TRDN: variants seen among roughly 807,000 people sequenced by gnomAD.
TRDN encodes triadin in skeletal muscle.
Under a neutral mutation model 149.7 loss-of-function variants are expected in TRDN, and 161 were observed. The observed-to-expected ratio is 1.08, with a 90% CI of 0.95 to 1.23. The LOEUF (loss-of-function observed/expected upper bound fraction) is 1.23. Among genes scored for constraint, TRDN ranks in the 50% most tolerant of loss-of-function variants. TRDN has a pLI of 0.00. For synonymous variants in TRDN, 294 were observed against 250.5 expected, an observed-to-expected ratio of 1.17 and a Z score of -1.64; for missense variants, 896 against 823.5, an observed-to-expected ratio of 1.09 and a Z score of -1.08.
chr6:123,598,384 T>A (rs1784131585), intron 1 of TRDN, among the ~76,000 whole-genome samples: 1 of 152,088 alleles, frequency 6.6e-6, no homozygotes, highest in Non-Finnish European at 1.5e-5. Context: ...TTTAAGGCCC[T>A]GTATATAGTC....
At chr6:123,302,655 A>C (rs557962878) in intron 24 of TRDN, among the ~76,000 whole-genome samples, 1 of 152,290 alleles carries the variant, frequency 6.6e-6, no homozygotes, top group African/African-American at 2.4e-5. Flanking sequence ...GACCAAACAC[A>C]TCCATTTTGA....
At chr6:123,366,067 T>A in intron 20 of TRDN, 68 bp downstream of exon 20, 1 of 1,408,540 alleles carries the variant, frequency 7.1e-7, no homozygotes, top group Non-Finnish European at 9.9e-7. Flanking sequence ...CACAAAACAA[T>A]ACATTGTTAG....
chr6:123,497,104 A>C, intron 9 of TRDN, 89 bp downstream of exon 9: 1 of 1,036,276 alleles, frequency 9.6e-7, no homozygotes. Context: ...ATTTTTAAAA[A>C]ATGAAAATAC....
At chr6:123,365,078 A>C (rs185630024) in intron 20 of TRDN, among the ~76,000 whole-genome samples, 85 of 152,304 alleles carry the variant, frequency 5.6e-4, no homozygotes, top group African/African-American at 1.9e-3. Context: ...TGACATCACA[A>C]ATATTAGATT....
chr6:123,222,293 G>A (rs181160735), intron 39 of TRDN, among the ~76,000 whole-genome samples: 15 of 151,462 alleles, frequency 9.9e-5, no homozygotes, highest in Middle Eastern at 3.4e-3. Flanking sequence ...GTTCTAGAGC[G>A]GTTCCCCTCA....
rs370176584 is a variant in TRDN, at chr6:123,549,036, C to T, written c.233-424G>A. Reference sequence around the variant, plus strand: ...ACAAATAACAAGTTCTGCAAGTTGACTAAGGTAGTTGTGGCTAAATTAAGA... The same window carrying T: ...ACAAATAACAAGTTCTGCAAGTTGATTAAGGTAGTTGTGGCTAAATTAAGA... On this transcript the variant is annotated intron_variant, in intron 2 of 40. Coordinates refer to ENST00000334268, the MANE Select transcript of TRDN (RefSeq NM_006073.4). Among the ~76,000 whole-genome samples, 10 of 151,982 alleles carry T rather than the reference C, an allele frequency of 6.6e-5. No individual in the cohort carries two copies. In the East Asian group the frequency reaches 7.7e-4, roughly 12 times the overall value.
At chr6:123,589,056 G>T (rs1355441551) in intron 1 of TRDN, among the ~76,000 whole-genome samples, 1 of 152,086 alleles carries the variant, frequency 6.6e-6, no homozygotes, top group Admixed American at 6.5e-5. Flanking sequence ...AATTTGACAG[G>T]TTGAATCAGT....
At chr6:123,603,545 T>C (rs1274635831) in intron 1 of TRDN, among the ~76,000 whole-genome samples, 1 of 152,168 alleles carries the variant, frequency 6.6e-6, no homozygotes, top group African/African-American at 2.4e-5. Flanking sequence ...CCAACATTCA[T>C]GCATTTATTC....
intron 21 of TRDN, among the ~76,000 whole-genome samples, chr6:123,343,962 T>C (rs1257228898): frequency 2.6e-5 from 4 of 151,932 alleles, no homozygotes; most frequent in Non-Finnish European, 4.4e-5. Context: ...TTAGTGGTCT[T>C]AGAAAAATAA....
intron 14 of TRDN, among the ~76,000 whole-genome samples, chr6:123,387,269 C>T (rs972340974): frequency 1.3e-5 from 2 of 151,910 alleles, no homozygotes; most frequent in Non-Finnish European, 2.9e-5. Context: ...TCTATTGATG[C>T]TTATCATTTT....
intron 24 of TRDN, among the ~76,000 whole-genome samples, chr6:123,303,743 T>G (rs112947926): frequency 1.3e-5 from 2 of 152,120 alleles, no homozygotes; most frequent in Non-Finnish European, 2.9e-5. Flanking sequence ...GAAATAAATA[T>G]GTTGAGGGCA....
intron 1 of TRDN, among the ~76,000 whole-genome samples, chr6:123,585,751 A>G (rs1289617208): frequency 6.6e-6 from 1 of 152,018 alleles, no homozygotes; most frequent in Non-Finnish European, 1.5e-5. Context: ...TGGCACTTGT[A>G]GCAAGCTCCT....
At chr6:123,406,834 G>A (rs1216800051) in intron 12 of TRDN, among the ~76,000 whole-genome samples, 4 of 152,126 alleles carry the variant, frequency 2.6e-5, no homozygotes, top group Admixed American at 1.3e-4. Flanking sequence ...GGGTTTCAAG[G>A]TTTACTGATT....
intron 13 of TRDN, among the ~76,000 whole-genome samples, chr6:123,393,198 C>T (rs1772574163): frequency 6.6e-6 from 1 of 152,014 alleles, no homozygotes; most frequent in Non-Finnish European, 1.5e-5. Context: ...CCCATTTTTA[C>T]AGTTTTGATG....
intron 38 of TRDN, among the ~76,000 whole-genome samples, chr6:123,235,846 A>T (rs905161135): frequency 1.1e-4 from 17 of 152,160 alleles, no homozygotes; most frequent in African/African-American, 4.1e-4. Context: ...AACGTATTTG[A>T]ATTCATATAA....
chr6:123,582,379 G>A (rs962225289), intron 1 of TRDN, among the ~76,000 whole-genome samples: 3 of 152,132 alleles, frequency 2.0e-5, no homozygotes, highest in African/African-American at 7.2e-5. Context: ...GGCTTTGTGT[G>A]AGCAATAAAG....
intron 21 of TRDN, among the ~76,000 whole-genome samples, chr6:123,342,534 G>T (rs1194315451): frequency 6.6e-6 from 1 of 151,844 alleles, no homozygotes; most frequent in African/African-American, 2.4e-5. Flanking sequence ...ATTATTTTGT[G>T]TAGTTAGGCA....
At chr6:123,298,802 A>G (rs527808103) in intron 24 of TRDN, among the ~76,000 whole-genome samples, 3 of 152,206 alleles carry the variant, frequency 2.0e-5, no homozygotes, top group South Asian at 2.1e-4. Context: ...TTACTGAAAC[A>G]TGCCATTAAA....
chr6:123,597,547 T>G (rs1475060788), intron 1 of TRDN, among the ~76,000 whole-genome samples: 5 of 152,058 alleles, frequency 3.3e-5, no homozygotes, highest in Non-Finnish European at 5.9e-5. Context: ...TGCAGGCTAT[T>G]GAGAAATCTT....
Sources: allele counts gnomAD v4.1 joint callset (sites outside exome capture counted in the v4.1 genomes callset), GRCh38; gene constraint gnomAD v4.1.1; transcripts MANE v1.5; gene names NCBI Gene and HGNC (gene_info 2026-07-23, HGNC 2026-07-21).